The following LPIN1 variants were observed in gnomAD, a reference collection of about 807,000 sequenced individuals.
LPIN1 encodes the protein lipin 1.
A neutral mutation model predicts 107.5 loss-of-function variants in LPIN1; 71 were observed. That is an observed-to-expected ratio of 0.66 (90% CI 0.55 to 0.80). The LOEUF (loss-of-function observed/expected upper bound fraction) is 0.80. Ranked by LOEUF, LPIN1 falls within the 30% of genes least tolerant of loss-of-function variation. LPIN1 has a pLI of 0.00. For synonymous variants in LPIN1, 445 were observed against 452.6 expected (o/e 0.98, Z 0.21); for missense variants, 1,043 against 1,160.6 (o/e 0.90, Z 1.47).
rs1275598772 is a variant in LPIN1 at position 11,803,251 on chromosome 2, T to G, written c.2013+218T>G. On this transcript the variant is annotated intron_variant, in intron 15 of 20. Coordinates refer to ENST00000674199, the MANE Select transcript of LPIN1 (RefSeq NM_001349206.2). The surrounding 1 kb of genome is among the most constrained non-coding windows in gnomAD (Gnocchi z 4.2). Reference sequence around the variant, plus strand: ...CTTGCCTTTTGTCTTCTCCTTTTGCTGGCCTGGCCCTGGAGGATCTAGTTT... The same window carrying G: ...CTTGCCTTTTGTCTTCTCCTTTTGCGGGCCTGGCCCTGGAGGATCTAGTTT... 6.6e-6 allele frequency among the ~76,000 whole-genome samples: 1 copy of G among 152,224 alleles called. No homozygotes were observed. The highest frequency in any genetic ancestry group is 6.5e-5 in the Admixed American group (1 of 15,286).
chr2:11,783,982 G>C (rs1674015764), intron 9 of LPIN1, 60 bp downstream of exon 9: 11 of 1,612,034 alleles, frequency 6.8e-6, no homozygotes, highest in Non-Finnish European at 8.5e-6. Context: ...TTCTGTGTGA[G>C]ACCAGTTTCC....
intron 4 of LPIN1, among the ~76,000 whole-genome samples, chr2:11,772,797 T>C (rs140477410): frequency 2.0e-5 from 3 of 152,366 alleles, no homozygotes; most frequent in African/African-American, 7.2e-5. Context: ...TTTTTGATAA[T>C]TTTGTTAACA....
chr2:11,727,477 T>A (rs1664779657), intron 1 of LPIN1, among the ~76,000 whole-genome samples: 1 of 152,134 alleles, frequency 6.6e-6, no homozygotes, highest in African/African-American at 2.4e-5. Context: ...ATCAGTCAGT[T>A]CTCCAGTGAC....
At chr2:11,728,166 A>G (rs1461011038) in intron 1 of LPIN1, among the ~76,000 whole-genome samples, 2 of 152,120 alleles carry the variant, frequency 1.3e-5, no homozygotes, top group Non-Finnish European at 2.9e-5. Context: ...TATAACAGTA[A>G]TATTCTTCGT....
At chr2:11,747,726 C>T (rs920318655) in intron 1 of LPIN1, among the ~76,000 whole-genome samples, 8 of 152,244 alleles carry the variant, frequency 5.3e-5, no homozygotes, top group African/African-American at 1.9e-4. Flanking sequence ...AGCACATCCA[C>T]ACATGAACAC....
chr2:11,815,055 T>C, intron 17 of LPIN1, 33 bp from the exon 18 acceptor site: 1 of 1,606,124 alleles, frequency 6.2e-7, no homozygotes, highest in Non-Finnish European at 8.5e-7. Context: ...CATTTTCTGA[T>C]GCCATGAAAT....
upstream of LPIN1, among the ~76,000 whole-genome samples, chr2:11,744,282 C>T (rs1666665969): frequency 6.6e-6 from 1 of 152,234 alleles, no homozygotes; most frequent in South Asian, 2.1e-4. Context: ...TCAGTCAGGC[C>T]TGGTTGCTGA....
At chr2:11,684,083 C>T (rs892589587) in intron 1 of LPIN1, among the ~76,000 whole-genome samples, 19 of 152,236 alleles carry the variant, frequency 1.2e-4, no homozygotes, top group African/African-American at 4.1e-4. Flanking sequence ...GTGAACTGTA[C>T]AGTCTGTGAA....
upstream of LPIN1, among the ~76,000 whole-genome samples, chr2:11,721,321 A>G (rs959541135): frequency 3.8e-5 from 5 of 130,402 alleles, no homozygotes; most frequent in African/African-American, 1.2e-4. Flanking sequence ...AGGGGTGAGG[A>G]TGCAAGATGA....
At chr2:11,677,563 T>C (rs1006668499), upstream of LPIN1, 36 of 1,026,432 alleles carry the variant, frequency 3.5e-5, no homozygotes, top group African/African-American at 4.9e-4. Context: ...CAGCCCAGCC[T>C]CCCAGCTTCT....
At chr2:11,677,812 C>T in intron 1 of LPIN1, 1 of 1,207,604 alleles carries the variant, frequency 8.3e-7, no homozygotes, top group South Asian at 1.3e-5. Flanking sequence ...ACTGATGGGA[C>T]CCGGGGAACA....
At position 11,803,176 on chromosome 2, in the gene LPIN1, C is replaced by T. The variant is rs1172645087; in HGVS notation, c.2013+143C>T. 3 of 1,100,028 alleles carry T rather than the reference C, an allele frequency of 2.7e-6. No individual in the cohort carries two copies. The allele number at this position is 1,100,028 out of a possible 1,614,324, so 68.1% of individuals were successfully genotyped here. A position where few individuals can be genotyped will look rare whatever the true frequency, so the allele number is the denominator to read the frequency against. On this transcript the variant is annotated intron_variant, in intron 15 of 20. Coordinates refer to ENST00000674199, the MANE Select transcript of LPIN1 (RefSeq NM_001349206.2). The surrounding 1 kb of genome is among the most constrained non-coding windows in gnomAD (Gnocchi z 4.2). The stretch of plus-strand genomic sequence containing the variant: ...CTGCAATCCCTCAACTGGGTACCCG[C>T]TGTTTCCACCCCAACTCCAGCACTA...
rs368295613 is a variant in LPIN1 at position 11,772,519 on chromosome 2, C to T, written c.596+840C>T. On this transcript the variant is annotated intron_variant, in intron 4 of 20. Transcript: ENST00000674199. ...TTATTTGAGCACCAACGATGCACAA[C>T]TGGGCTGATTTATAGGCAAGGGCTG... 6.6e-5 allele frequency among the ~76,000 whole-genome samples: 10 copies of T among 152,330 alleles called. No homozygotes were observed. The East Asian group carries it at 1.3e-3, about 21-fold the overall frequency.
rs1159875050 is a variant in LPIN1, at chr2:11,765,312, C to G, written c.-9-221C>G. Among the ~76,000 whole-genome samples the G allele has an allele frequency of 2.0e-5, 3 of 147,080 alleles. No homozygotes were observed. The highest frequency in any genetic ancestry group is 7.6e-5 in the African/African-American group (3 of 39,616). On this transcript the variant is annotated intron_variant, in intron 1 of 20. Transcript: ENST00000674199. The surrounding 1 kb of genome is among the most constrained non-coding windows in gnomAD (Gnocchi z 4.4). ...GGGCTGTGATGGGCCGTGATGGACC[C>G]TGATGGGCCATGATGGACACTGATG... is the stretch of plus-strand genomic sequence containing the variant.
At chr2:11,740,708 GAAAGA>G (rs1208245057) in intron 1 of LPIN1, among the ~76,000 whole-genome samples, 6 of 100,932 alleles carry the variant, frequency 5.9e-5, no homozygotes, top group Admixed American at 9.0e-5. Context: ...AAAAAAGGAA[GAAAGA>G]AAGAAAAGAA....
intron 1 of LPIN1, among the ~76,000 whole-genome samples, chr2:11,725,429 G>A (rs763621178): frequency 7.2e-5 from 11 of 152,174 alleles, no homozygotes; most frequent in Non-Finnish European, 1.5e-4. Flanking sequence ...TTAGAGGGAT[G>A]AGAACAATAG....
At chr2:11,734,821 G>C (rs1350108419) in intron 1 of LPIN1, among the ~76,000 whole-genome samples, 1 of 152,190 alleles carries the variant, frequency 6.6e-6, no homozygotes, top group Non-Finnish European at 1.5e-5. Flanking sequence ...TATAGTAAAT[G>C]CTCTTAGAGA....
In LPIN1 at chr2:11,779,372, G is replaced by A. The variant is rs2289193; in HGVS notation, c.831-147G>A. On this transcript the variant is annotated intron_variant, in intron 6 of 20. Coordinates refer to ENST00000674199, the MANE Select transcript of LPIN1 (RefSeq NM_001349206.2). ...GGCGCTTCCCTGCCCCCTGGTGGCC[G>A]GAGGAGGGATTTGTCATGAGGCTCC... 0.11 allele frequency: 95,493 copies of A among 847,090 alleles called. 5,758 individuals are homozygous for A. The highest frequency in any genetic ancestry group is 0.17 in the East Asian group (5,894 of 35,214). The allele number at this position is 847,090 out of a possible 1,614,324, so 52.5% of individuals were successfully genotyped here. A position where few individuals can be genotyped will look rare whatever the true frequency, so the allele number is the denominator to read the frequency against.
At chr2:11,773,880 G>A (rs986834364) in intron 5 of LPIN1, 135 bp downstream of exon 5, 7 of 977,968 alleles carry the variant, frequency 7.2e-6, no homozygotes, top group African/African-American at 3.2e-5. Context: ...TGTAGAGTCG[G>A]AGGTACAGAT....
Sources: allele counts gnomAD v4.1 joint callset (sites outside exome capture counted in the v4.1 genomes callset), GRCh38; gene constraint gnomAD v4.1.1; non-coding constraint Gnocchi (gnomAD v3.1); transcripts MANE v1.5; gene names NCBI Gene and HGNC (gene_info 2026-07-23, HGNC 2026-07-21).